GTF2I: variants seen among roughly 807,000 people sequenced by gnomAD.
GTF2I encodes general transcription factor II-I.
Under a neutral mutation model 67.6 loss-of-function variants are expected in GTF2I, and 12 were observed. That is an observed-to-expected ratio of 0.18 (90% CI 0.11 to 0.29). GTF2I has a LOEUF of 0.29. GTF2I is among the 10% of genes least tolerant of loss of function. The probability of loss-of-function intolerance (pLI) is 1.00; values close to 1 mark genes in which losing one functional copy is unlikely to be tolerated. For synonymous variants in GTF2I, 149 were observed against 197.0 expected, an observed-to-expected ratio of 0.76 and a Z score of 2.04; for missense variants, 271 against 580.1, an observed-to-expected ratio of 0.47 and a Z score of 5.47.
intron 3 of GTF2I, among the ~76,000 whole-genome samples, chr7:74,696,317 C>T (rs1788893365): frequency 6.6e-6 from 1 of 151,356 alleles, no homozygotes; most frequent in African/African-American, 2.4e-5. Context: ...AGAATGGTTT[C>T]TGTATCTAAT....
chr7:74,665,194 G>A (rs1554388075), intron 1 of GTF2I, among the ~76,000 whole-genome samples: 1 of 150,154 alleles, frequency 6.7e-6, no homozygotes, highest in African/African-American at 2.5e-5. Context: ...CACCCGCCTC[G>A]GCCTCCCAAA....
intron 8 of GTF2I, among the ~76,000 whole-genome samples, chr7:74,710,101 G>A (rs768538806): frequency 6.6e-6 from 1 of 152,182 alleles, no homozygotes; most frequent in African/African-American, 2.4e-5. Context: ...CTTTCCCCTT[G>A]GTGATTGAAG....
chr7:74,702,281 G>C (rs587670240), intron 6 of GTF2I, among the ~76,000 whole-genome samples: 40 of 151,732 alleles, frequency 2.6e-4, no homozygotes, highest in Admixed American at 1.4e-3. Context: ...AAGTTGGAGT[G>C]CAGTGGCATG....
intron 8 of GTF2I, among the ~76,000 whole-genome samples, chr7:74,707,646 T>C (rs1323171650): frequency 6.6e-6 from 1 of 152,214 alleles, no homozygotes; most frequent in African/African-American, 2.4e-5. Context: ...CAGAAGGTTT[T>C]TCTTTTTTCT....
At chr7:74,705,142 A>G in intron 6 of GTF2I, 22 bp from the exon 7 acceptor site, 1 of 1,486,624 alleles carries the variant, frequency 6.7e-7, no homozygotes, top group Non-Finnish European at 9.4e-7. Flanking sequence ...AACTAACTCC[A>G]ATTTTTTTTT....
chr7:74,715,456 T>C (rs1792141556), intron 10 of GTF2I, among the ~76,000 whole-genome samples: 1 of 152,096 alleles, frequency 6.6e-6, no homozygotes, highest in Non-Finnish European at 1.5e-5. Flanking sequence ...AATGTAAATG[T>C]AATTGTTTAT....
intron 1 of GTF2I, among the ~76,000 whole-genome samples, chr7:74,673,707 A>C (rs1584092331): frequency 1.7e-5 from 2 of 115,294 alleles, no homozygotes; most frequent in Non-Finnish European, 3.4e-5. Context: ...TTTTGAGACC[A>C]GTCTTGCTCT....
At chr7:74,693,880 C>T (rs1185032295) in intron 3 of GTF2I, among the ~76,000 whole-genome samples, 1 of 151,952 alleles carries the variant, frequency 6.6e-6, no homozygotes, top group Non-Finnish European at 1.5e-5. Flanking sequence ...AATTAATAGA[C>T]CTATAGTGGC....
intron 1 of GTF2I, among the ~76,000 whole-genome samples, chr7:74,663,431 A>G (rs925387460): frequency 1.3e-5 from 2 of 152,098 alleles, no homozygotes; most frequent in Non-Finnish European, 2.9e-5. Context: ...GATTACAGGC[A>G]TGTGCCACCA....
At chr7:74,698,053 T>C (rs1318409097) in intron 3 of GTF2I, among the ~76,000 whole-genome samples, 2 of 152,170 alleles carry the variant, frequency 1.3e-5, no homozygotes, top group Non-Finnish European at 2.9e-5. Context: ...CCTCCCGGGC[T>C]CACGCCATTC....
chr7:74,709,835 G>A (rs941422915), intron 8 of GTF2I, among the ~76,000 whole-genome samples: 1 of 150,824 alleles, frequency 6.6e-6, no homozygotes, highest in African/African-American at 2.4e-5. Context: ...ACCACTCCCG[G>A]CTAATTTTTG....
chr7:74,661,191 G>GACTCTGC (rs1439628754), intron 1 of GTF2I, among the ~76,000 whole-genome samples: 1 of 152,102 alleles, frequency 6.6e-6, no homozygotes, highest in Non-Finnish European at 1.5e-5. Flanking sequence ...GGCATGTGCG[G>GACTCTGC]ACTCTGCTTG....
Position 74,687,976 on chromosome 7 carries a change from A to T in GTF2I, c.-5-1148A>T, listed in dbSNP as rs587656080. ...GGCATCTAATTTGCATGCTATTTAC[A>T]GAAAACCTTTTTAGTGTTTCAGTTT... On this transcript the variant is annotated intron_variant, in intron 1 of 34. Transcript: ENST00000573035. Among the ~76,000 whole-genome samples the T allele has an allele frequency of 2.6e-5, 4 of 152,354 alleles. No individual in the cohort carries two copies. The South Asian group carries it at 8.3e-4, about 32-fold the overall frequency.
intron 1 of GTF2I, among the ~76,000 whole-genome samples, chr7:74,674,699 C>T (rs1288745866): frequency 6.6e-6 from 1 of 151,584 alleles, no homozygotes; most frequent in Non-Finnish European, 1.5e-5. Context: ...CCACCACGCT[C>T]AACTAATTTT....
At chr7:74,669,327 C>G (rs1006784254) in intron 1 of GTF2I, among the ~76,000 whole-genome samples, 1 of 137,564 alleles carries the variant, frequency 7.3e-6, no homozygotes, top group Non-Finnish European at 1.5e-5. Context: ...TTCCTGGGTT[C>G]AAGCGATTCT....
intron 1 of GTF2I, among the ~76,000 whole-genome samples, chr7:74,680,099 A>AAAAAAAAAAATATATAT: frequency 2.1e-5 from 2 of 94,980 alleles, no homozygotes; most frequent in African/African-American, 8.0e-5. Flanking sequence ...AAAAAAAAAA[A>AAAAAAAAAAATATATAT]ATATATATAT....
At chr7:74,665,486 A>G (rs1325836272) in intron 1 of GTF2I, among the ~76,000 whole-genome samples, 1 of 151,804 alleles carries the variant, frequency 6.6e-6, no homozygotes, top group Admixed American at 6.6e-5. Context: ...TCTTGACCTC[A>G]GATGGTCCGC....
intron 6 of GTF2I, among the ~76,000 whole-genome samples, chr7:74,703,314 C>T (rs1483683597): frequency 6.6e-6 from 1 of 151,892 alleles, no homozygotes; most frequent in Non-Finnish European, 1.5e-5. Flanking sequence ...TCTTCCCTTA[C>T]TTGGTAGTAT....
chr7:74,704,400 C>T (rs1268492815), intron 6 of GTF2I, among the ~76,000 whole-genome samples: 1 of 151,912 alleles, frequency 6.6e-6, no homozygotes, highest in East Asian at 1.9e-4. Flanking sequence ...AAGCAAATCT[C>T]CTGCCTCAGC....
Sources: allele counts gnomAD v4.1 joint callset (sites outside exome capture counted in the v4.1 genomes callset), GRCh38; gene constraint gnomAD v4.1.1; transcripts MANE v1.5; gene names NCBI Gene and HGNC (gene_info 2026-07-23, HGNC 2026-07-21).